Variants in CSMD1 observed in about 807,000 individuals in gnomAD.
CSMD1 encodes the protein CUB and sushi domain-containing protein 1.
A neutral mutation model predicts 417.5 loss-of-function variants in CSMD1; 213 were observed. The ratio of observed to expected loss-of-function variants is 0.51; its 90% CI spans 0.46 to 0.57. The LOEUF is 0.57. Among genes scored for constraint, CSMD1 ranks in the 20% least tolerant of loss-of-function variants. The pLI, the probability that CSMD1 is intolerant of heterozygous loss-of-function variation, is 0.00. For synonymous variants in CSMD1, 2,862 were observed against 1,736.8 expected (o/e 1.65, Z -16.11); for missense variants, 6,923 against 4,529.7 (o/e 1.53, Z -15.17).
Position 4,305,290 on chromosome 8 carries a change from C to T in CSMD1, c.415+114663G>A, listed in dbSNP as rs534759874. Among the ~76,000 whole-genome samples the T allele has an allele frequency of 3.9e-5, 6 of 152,254 alleles. No homozygotes were observed. In the South Asian group the frequency reaches 1.2e-3, roughly 32 times the overall value. On this transcript the variant is annotated intron_variant, in intron 3 of 69. Coordinates refer to ENST00000635120, the MANE Select transcript of CSMD1 (RefSeq NM_033225.6). ...ATGCCTGGGAACTGAGCTGCATCAG[C>T]CTCCCGCTAGGAGAGAGTCAGGCCG...
chr8:4,072,605 T>C (rs575878986), intron 3 of CSMD1, among the ~76,000 whole-genome samples: 1 of 152,310 alleles, frequency 6.6e-6, no homozygotes, highest in East Asian at 1.9e-4. Flanking sequence ...TGTGTTTGTG[T>C]TTTCTGTGTT....
intron 49 of CSMD1, among the ~76,000 whole-genome samples, chr8:3,070,336 G>C (rs1813249445): frequency 6.6e-6 from 1 of 152,156 alleles, no homozygotes; most frequent in African/African-American, 2.4e-5. Flanking sequence ...CACACGGCCA[G>C]CCTGCAAATT....
At chr8:3,843,998 C>G (rs1482927759) in intron 5 of CSMD1, among the ~76,000 whole-genome samples, 1 of 152,118 alleles carries the variant, frequency 6.6e-6, no homozygotes, top group African/African-American at 2.4e-5. Context: ...TGTCTAGCAT[C>G]CAGCACTGAT....
At chr8:4,716,824 T>G (rs960816438) in intron 1 of CSMD1, among the ~76,000 whole-genome samples, 4 of 152,166 alleles carry the variant, frequency 2.6e-5, no homozygotes, top group Non-Finnish European at 5.9e-5. Flanking sequence ...AAACATCTCT[T>G]AGCAACTAAT....
At chr8:3,148,688 C>G (rs1350490993) in intron 40 of CSMD1, among the ~76,000 whole-genome samples, 3 of 152,178 alleles carry the variant, frequency 2.0e-5, no homozygotes, top group African/African-American at 7.2e-5. Flanking sequence ...GTAAAATTTT[C>G]TCAGATTCTG....
At chr8:3,360,248 T>C (rs989177441) in intron 20 of CSMD1, among the ~76,000 whole-genome samples, 3 of 152,186 alleles carry the variant, frequency 2.0e-5, no homozygotes, top group East Asian at 3.9e-4. Flanking sequence ...TAAATATAAA[T>C]TAAAAAATAA....
chr8:3,685,050 T>G (rs1021938246), intron 7 of CSMD1, among the ~76,000 whole-genome samples: 21 of 152,230 alleles, frequency 1.4e-4, no homozygotes, highest in Middle Eastern at 3.4e-3. Context: ...CAAGCCCAGT[T>G]TTTGAAATAA....
At chr8:3,475,414 G>A (rs1407643033) in intron 11 of CSMD1, among the ~76,000 whole-genome samples, 1 of 152,098 alleles carries the variant, frequency 6.6e-6, no homozygotes, top group Non-Finnish European at 1.5e-5. Flanking sequence ...ACAGCTACAT[G>A]TTTAAATTTT....
At chr8:4,469,531 T>TTC (rs536099754) in intron 2 of CSMD1, among the ~76,000 whole-genome samples, 363 of 152,242 alleles carry the variant, frequency 2.4e-3, no homozygotes, top group Non-Finnish European at 3.6e-3. Context: ...TTCCGGAGCC[T>TTC]TCCTCTTCTC....
chr8:3,971,208 G>C (rs1312136566), intron 5 of CSMD1, among the ~76,000 whole-genome samples: 1 of 152,142 alleles, frequency 6.6e-6, no homozygotes, highest in Non-Finnish European at 1.5e-5. Flanking sequence ...TTCGTGTTCA[G>C]AGGCGCTGCT....
rs191218817 is a variant in CSMD1 at position 3,441,377 on chromosome 8, C to T, written c.1561+27335G>A. Among the ~76,000 whole-genome samples the T allele has an allele frequency of 3.2e-3, 494 of 152,108 alleles. 2 individuals carry two copies. The highest frequency in any genetic ancestry group is 6.0e-3 in the Admixed American group (92 of 15,256). On this transcript the variant is annotated intron_variant, in intron 12 of 69. Transcript: ENST00000635120. ...CTTTTTGTGCATCGACTGATATAAACATGTGATTTTTCTTCTTTATCCTGT... is the reference window on the plus strand; with the variant it reads ...CTTTTTGTGCATCGACTGATATAAATATGTGATTTTTCTTCTTTATCCTGT...
At chr8:4,398,713 A>G (rs1207704850) in intron 3 of CSMD1, among the ~76,000 whole-genome samples, 1 of 152,068 alleles carries the variant, frequency 6.6e-6, no homozygotes, top group African/African-American at 2.4e-5. Flanking sequence ...ACATTTAGCT[A>G]CAGCTTTCAA....
At chr8:4,280,698 T>A (rs1796733744) in intron 3 of CSMD1, among the ~76,000 whole-genome samples, 1 of 152,206 alleles carries the variant, frequency 6.6e-6, no homozygotes, top group Non-Finnish European at 1.5e-5. Flanking sequence ...TGAGCACAGC[T>A]CTATAGCAAT....
chr8:3,901,353 A>G (rs182197477), intron 5 of CSMD1, among the ~76,000 whole-genome samples: 1 of 152,134 alleles, frequency 6.6e-6, no homozygotes, highest in East Asian at 1.9e-4. Flanking sequence ...AATTTTTTTC[A>G]AAGTGTGTTG....
At chr8:4,508,659 A>C (rs1204727130) in intron 2 of CSMD1, among the ~76,000 whole-genome samples, 1 of 152,126 alleles carries the variant, frequency 6.6e-6, no homozygotes, top group Non-Finnish European at 1.5e-5. Flanking sequence ...CCTCTGAAAA[A>C]ATAATGCTTG....
intron 6 of CSMD1, among the ~76,000 whole-genome samples, chr8:3,729,936 AAAAAAAAAAAAAAAAAAAAAAAAAAC>A (rs756252599): frequency 0.19 from 7,364 of 39,262 alleles, 672 homozygotes; most frequent in Non-Finnish European, 0.36. Context: ...AAAAAAAAAA[AAAAAAAAAAAAAAAAAAAAAAAAAAC>A]AAAAACAGAA....
chr8:4,923,783 G>C (rs910766701), intron 1 of CSMD1, among the ~76,000 whole-genome samples: 2 of 152,106 alleles, frequency 1.3e-5, no homozygotes, highest in African/African-American at 4.8e-5. Flanking sequence ...CCAAGATTCA[G>C]TGTCCCAATG....
intron 49 of CSMD1, among the ~76,000 whole-genome samples, chr8:3,077,860 G>C (rs1415587844): frequency 6.6e-6 from 1 of 152,166 alleles, no homozygotes; most frequent in South Asian, 2.1e-4. Flanking sequence ...CTGCACACAG[G>C]GCATTTCACT....
chr8:3,625,118 C>G (rs940974469), intron 7 of CSMD1, among the ~76,000 whole-genome samples: 2 of 151,988 alleles, frequency 1.3e-5, no homozygotes, highest in East Asian at 3.9e-4. Context: ...TGTACAGTCT[C>G]TAGCAGTAGC....
Sources: gnomAD v4.1 joint callset for allele counts (sites outside exome capture counted in the v4.1 genomes callset) on GRCh38, gnomAD v4.1.1 for gene constraint, MANE v1.5 for transcripts, NCBI Gene and HGNC (gene_info 2026-07-23, HGNC 2026-07-21) for gene names.